USP24: variants seen among roughly 807,000 people sequenced by gnomAD.
USP24 encodes the protein ubiquitin specific peptidase 24, also known as ubiquitin carboxyl-terminal hydrolase 24.
Under a neutral mutation model 361.6 loss-of-function variants are expected in USP24, and 97 were observed. That is an observed-to-expected ratio of 0.27 (90% CI 0.23 to 0.32). USP24 has a LOEUF of 0.32. Ranked by LOEUF, USP24 falls within the 10% of genes least tolerant of loss-of-function variation. The pLI is 1.00. For missense variants in USP24, 2,353 were observed against 3,165.6 expected (o/e 0.74, Z 6.16); for synonymous variants, 1,098 against 1,124.6 (o/e 0.98, Z 0.47).
intron 49 of USP24, 37 bp downstream of exon 49, chr1:55,096,915 C>T (rs1488852675): frequency 6.3e-7 from 1 of 1,594,416 alleles, no homozygotes; most frequent in African/African-American, 1.3e-5. Flanking sequence ...CAGGGGAGGG[C>T]AGAAAGTGAG....
chr1:55,198,548 G>T (rs1379160838), intron 1 of USP24, among the ~76,000 whole-genome samples: 5 of 152,184 alleles, frequency 3.3e-5, no homozygotes, highest in Non-Finnish European at 7.3e-5. Flanking sequence ...TGCACTGTAA[G>T]ATGTTTATCA....
chr1:55,172,083 T>A (rs1649510427), intron 4 of USP24, among the ~76,000 whole-genome samples: 1 of 152,058 alleles, frequency 6.6e-6, no homozygotes, highest in African/African-American at 2.4e-5. Flanking sequence ...CCAAACTCCA[T>A]CTACATGAAC....
At chr1:55,208,762 C>G (rs1320697436) in intron 1 of USP24, among the ~76,000 whole-genome samples, 1 of 151,816 alleles carries the variant, frequency 6.6e-6, no homozygotes, top group East Asian at 1.9e-4. Flanking sequence ...ATGGTGAAAC[C>G]CCATTTCTAC....
Position 55,157,247 on chromosome 1 carries a change from G to A in USP24, c.1342+9C>T, listed in dbSNP as rs1358889752. The A allele has an allele frequency of 1.3e-6, 2 of 1,569,138 alleles. No homozygotes were observed. The highest frequency in any genetic ancestry group is 1.7e-6 in the Non-Finnish European group (2 of 1,156,484). On this transcript the variant is annotated intron_variant, in intron 11 of 67. Coordinates refer to ENST00000294383, the MANE Select transcript of USP24 (RefSeq NM_015306.3). ...TGTTAGGTAATTTTTATTTTTGAAA[G>A]CAACTTACCTTCCAGTGCAATCGAC...
At chr1:55,148,788 G>C (rs1647111058) in intron 16 of USP24, among the ~76,000 whole-genome samples, 1 of 152,176 alleles carries the variant, frequency 6.6e-6, no homozygotes, top group Admixed American at 6.5e-5. Flanking sequence ...CTGCAAACAG[G>C]AGTGGATGTG....
Position 55,148,498 on chromosome 1 carries a change from A to G in USP24, c.1933T>C (p.Ser645Pro). 6.3e-7 allele frequency: 1 copy of G among 1,592,672 alleles called. No homozygotes were observed. Among genetic ancestry groups the G allele is most frequent in the Non-Finnish European group, 8.6e-7 (1 of 1,168,282 alleles). ...TTTTGATAGGTTTGTTTTATGAATG[A>G]GCGAGTAATTTCATGGAGCTGACGC... ...ALRQLHEITR[S>P]FIKQTYQKQD... Residue 645 changes from serine (S) to proline (P), a missense_variant, in exon 17 of 68, where the codon TCA (serine) becomes CCA (proline). By Grantham distance (74) the Ser-to-Pro change is moderately conservative. Around this residue, in one of 8 missense-constraint regions of USP24, gnomAD observed 386 missense variants for 560.5 expected, o/e 0.69. Transcript: ENST00000294383.
rs533085761 is a variant in USP24, at chr1:55,188,964, C to CAAAAAAAAA, written c.325-10841_325-10833dup. Among the ~76,000 whole-genome samples the CAAAAAAAAA allele has an allele frequency of 4.0e-3, 298 of 74,328 alleles. 2 individuals are homozygous for CAAAAAAAAA. Among genetic ancestry groups the CAAAAAAAAA allele is most frequent in the Middle Eastern group, 8.9e-3 (1 of 112 alleles). The allele number at this position is 74,328 out of a possible 152,430, so 48.8% of individuals were successfully genotyped here. A position where few individuals can be genotyped will look rare whatever the true frequency, so the allele number is the denominator to read the frequency against. On this transcript the variant is annotated intron_variant, in intron 1 of 67. Transcript: ENST00000294383. Reference sequence around the variant, plus strand: ...GGACAACAAGAGCAAAACTCCATCTCAAAAAAAAAAAAAAAAAAAAAAAAA... The same window carrying CAAAAAAAAA: ...GGACAACAAGAGCAAAACTCCATCTCAAAAAAAAAAAAAAAAAAAAAAAAAAAAAAAAAA...
At chr1:55,185,190 C>G (rs1419567754) in intron 1 of USP24, among the ~76,000 whole-genome samples, 1 of 152,032 alleles carries the variant, frequency 6.6e-6, no homozygotes. Context: ...TAGGTTCAAG[C>G]GATTCTCCCA....
Position 55,067,939 on chromosome 1 carries a change from A to G in USP24, c.*1106T>C, listed in dbSNP as rs569382459. 36 of 152,340 alleles carry G rather than the reference A, an allele frequency of 2.4e-4. 1 individual carries two copies. The highest frequency in any genetic ancestry group is 8.4e-4 in the African/African-American group (35 of 41,570). The allele number at this position is 152,340 out of a possible 1,614,324, so 9.4% of individuals were successfully genotyped here. A position where few individuals can be genotyped will look rare whatever the true frequency, so the allele number is the denominator to read the frequency against. ...ATTGCTTTATATTTATTTCTGGGAAAATAAATCTTAAACCTTGACTGACTT... is the reference window on the plus strand; with the variant it reads ...ATTGCTTTATATTTATTTCTGGGAAGATAAATCTTAAACCTTGACTGACTT... On this transcript the variant is annotated 3_prime_UTR_variant, in exon 68 of 68. Coordinates refer to ENST00000294383, the MANE Select transcript of USP24 (RefSeq NM_015306.3).
chr1:55,098,789 G>C (rs916433262), intron 45 of USP24, among the ~76,000 whole-genome samples: 5 of 152,146 alleles, frequency 3.3e-5, no homozygotes, highest in African/African-American at 1.2e-4. Context: ...TGACAAGAGA[G>C]TGTTCTCCAG....
chr1:55,113,058 G>A (rs1047209071), intron 38 of USP24, among the ~76,000 whole-genome samples: 4 of 152,102 alleles, frequency 2.6e-5, no homozygotes, highest in Non-Finnish European at 4.4e-5. Context: ...TTGGTTTAAA[G>A]TCTGTTTATC....
rs751126340 is a variant in USP24, at chr1:55,106,177, C to A, written c.4849G>T (p.Ala1617Ser). Residue 1617 changes from alanine to serine, a missense_variant, in exon 41 of 68, where the codon GCC (alanine) becomes TCC (serine). By Grantham distance (99) the Ala-to-Ser change is moderately conservative. Transcript: ENST00000294383. ...TGAAAGTCCTGTTGACTGATGGCGG[C>A]ACTGCCAGCTGGAGAATGACTATTT... ...ILNSHSPAGS[A>S]AISQQDFHPK... is the part of the protein sequence containing the mutation. 2 of 1,613,910 alleles carry A rather than the reference C, an allele frequency of 1.2e-6. No individual in the cohort carries two copies. The highest frequency in any genetic ancestry group is 2.2e-5 in the South Asian group (2 of 91,068).
chr1:55,143,252 A>G, intron 21 of USP24, 133 bp from the exon 22 acceptor site: 1 of 646,472 alleles, frequency 1.5e-6, no homozygotes, highest in Non-Finnish European at 2.4e-6. Context: ...GCAAAACCTC[A>G]GCTATATGAA....
Position 55,215,096 on chromosome 1 carries a change from C to G in USP24, c.18G>C (p.Glu6Asp). The change falls in exon 1 of 68, where the codon GAG (glutamate) becomes GAC (aspartate). Residue 6 changes from glutamate to aspartate, a missense_variant. Around this residue, in one of 8 missense-constraint regions of USP24, gnomAD observed 253 missense variants for 255.3 expected, o/e 0.99. Coordinates refer to ENST00000294383, the MANE Select transcript of USP24 (RefSeq NM_015306.3). MESEE[E>D]QHMTTLLCMG... is the part of the protein sequence containing the mutation. ...TGCACAGCAGCGTGGTCATGTGCTG[C>G]TCCTCCTCCGATTCCATGGCTTGGG... 7.6e-7 allele frequency: 1 copy of G among 1,314,964 alleles called. No individual in the cohort carries two copies. The highest frequency in any genetic ancestry group is 9.8e-7 in the Non-Finnish European group (1 of 1,022,286). 81.5% of individuals were successfully genotyped at this position (1,314,964 alleles called of 1,614,324 possible).
chr1:55,157,302 T>C lies in USP24; in HGVS notation c.1296A>G (p.Leu432=), dbSNP rs776244847. Reference sequence around the variant, plus strand: ...CTGAGTTTTCAACTAGCCAATCTAATAATCTGTCTGTATCTATAGCATTCT... The same window carrying C: ...CTGAGTTTTCAACTAGCCAATCTAACAATCTGTCTGTATCTATAGCATTCT... ...SVKNAIDTDR[L]LDWLVENSVL... Residue 432 remains leucine, a synonymous_variant, in exon 11 of 68, where the codon TTA becomes TTG. Transcript: ENST00000294383. 238 of 1,603,168 alleles carry C rather than the reference T, an allele frequency of 1.5e-4. No individual in the cohort carries two copies. Among genetic ancestry groups the C allele is most frequent in the Non-Finnish European group, 2.0e-4 (230 of 1,177,222 alleles).
intron 36 of USP24, among the ~76,000 whole-genome samples, chr1:55,121,819 T>C (rs958548535): frequency 2.0e-5 from 3 of 152,314 alleles, no homozygotes; most frequent in Admixed American, 1.3e-4. Flanking sequence ...TACCTTAAAA[T>C]AAACTTACAA....
intron 12 of USP24, 93 bp from the exon 13 acceptor site, chr1:55,154,871 T>C (rs1647469023): frequency 6.9e-6 from 6 of 872,280 alleles, no homozygotes; most frequent in African/African-American, 6.8e-5. Flanking sequence ...CAAGCAAAAA[T>C]ATAACAAAGA....
At chr1:55,079,793 T>TGAGTACTCACAGAGTACTCACACA in intron 59 of USP24, 134 bp from the exon 60 acceptor site, 11 of 1,051,220 alleles carry the variant, frequency 1.0e-5, no homozygotes, top group Non-Finnish European at 1.4e-5. Context: ...ACTCACACAC[T>TGAGTACTCACAGAGTACTCACACA]GAGTACTCAC....
At chr1:55,126,869 A>G (rs541694245) in intron 32 of USP24, among the ~76,000 whole-genome samples, 10 of 152,144 alleles carry the variant, frequency 6.6e-5, no homozygotes, top group Non-Finnish European at 1.3e-4. Context: ...GTCCATGCCT[A>G]CCTCACCCAG....
Sources: gnomAD v4.1 joint callset for allele counts (sites outside exome capture counted in the v4.1 genomes callset) on GRCh38, gnomAD v4.1.1 for gene constraint, gnomAD v4.1.1 regional missense constraint, MANE v1.5 for transcripts, NCBI Gene and HGNC (gene_info 2026-07-23, HGNC 2026-07-21) for gene names.